Variants in C5orf24 observed in about 807,000 individuals in gnomAD.
C5orf24 encodes the protein chromosome 5 open reading frame 24.
C5orf24 carries 4 observed loss-of-function variants against 9.8 expected under a neutral mutation model. That is an observed-to-expected ratio of 0.41 (90% confidence interval 0.20 to 0.93). C5orf24 has a LOEUF of 0.93. Ranked by LOEUF, C5orf24 falls within the 40% of genes least tolerant of loss-of-function variation. The pLI is 0.33. For missense variants in C5orf24, 170 were observed against 236.9 expected (o/e 0.72, Z 1.85); for synonymous variants, 73 against 81.3 (o/e 0.90, Z 0.55).
intron 1 of C5orf24, among the ~76,000 whole-genome samples, chr5:134,847,284 T>C (rs1697196279): frequency 6.6e-6 from 1 of 152,122 alleles, no homozygotes; most frequent in South Asian, 2.1e-4. Flanking sequence ...GAACTATTTA[T>C]TGGTTGTTTT....
At chr5:134,836,981 C>CA in the C5orf24 span, among the ~76,000 whole-genome samples, 1 of 150,636 alleles carries the variant, frequency 6.6e-6, no homozygotes, top group African/African-American at 2.4e-5. Context: ...TCTGTTTTTT[C>CA]TTTTTTTTTG....
At chr5:134,844,091 C>A (rs774328484), upstream of C5orf24, among the ~76,000 whole-genome samples, 8 of 152,196 alleles carry the variant, frequency 5.3e-5, no homozygotes, top group African/African-American at 1.9e-4. Flanking sequence ...ATGAAAATTT[C>A]TTTTTCTTAA....
chr5:134,850,347 A>G (rs530059340), intron 1 of C5orf24, among the ~76,000 whole-genome samples: 37 of 149,424 alleles, frequency 2.5e-4, no homozygotes, highest in Non-Finnish European at 4.6e-4. Flanking sequence ...GGGTTTCTCC[A>G]TGTTGGTCAG....
chr5:134,835,090 C>A, the C5orf24 span, among the ~76,000 whole-genome samples: 1 of 151,800 alleles, frequency 6.6e-6, no homozygotes, highest in Non-Finnish European at 1.5e-5. Flanking sequence ...CCTGTAATCC[C>A]AGCTACTCAG....
rs958082567 is a variant in C5orf24 at position 134,846,057 on chromosome 5, G to A, written c.-159G>A. The A allele has an allele frequency of 1.3e-5, 2 of 152,362 alleles. No individual in the cohort carries two copies. Among genetic ancestry groups the A allele is most frequent in the South Asian group, 2.1e-4 (1 of 4,836 alleles). 9.4% of individuals were successfully genotyped at this position (152,362 alleles called of 1,614,324 possible). ...CGGCGGGTGCTGGGAGCCAGCGCCTGCCTCGCCGCCGCCCTCGCTGCCTGC... is the reference window on the plus strand; with the variant it reads ...CGGCGGGTGCTGGGAGCCAGCGCCTACCTCGCCGCCGCCCTCGCTGCCTGC... On this transcript the variant is annotated 5_prime_UTR_variant, in exon 1 of 2. Coordinates refer to ENST00000394976, the MANE Select transcript of C5orf24 (RefSeq NM_001135586.1).
In C5orf24 at chr5:134,855,561, T is replaced by A; in HGVS notation, c.*94T>A. ...TTTTGATATACATAATTTTATGGCC[T>A]GGGCTTTCCAAATTTGTTTTCCTGT... On this transcript the variant is annotated 3_prime_UTR_variant, in exon 2 of 2. Transcript: ENST00000394976. The A allele has an allele frequency of 6.6e-7, 1 of 1,522,998 alleles. No individual in the cohort carries two copies. Among genetic ancestry groups the A allele is most frequent in the Non-Finnish European group, 8.8e-7 (1 of 1,140,908 alleles). 94.3% of individuals were successfully genotyped at this position (1,522,998 alleles called of 1,614,324 possible).
intron 1 of C5orf24, among the ~76,000 whole-genome samples, chr5:134,854,017 T>C (rs1006670621): frequency 6.6e-6 from 1 of 152,144 alleles, no homozygotes; most frequent in African/African-American, 2.4e-5. Flanking sequence ...GAGGCGGAAG[T>C]TGCAGTGAGC....
At chr5:134,835,567 A>T in the C5orf24 span, among the ~76,000 whole-genome samples, 4 of 152,182 alleles carry the variant, frequency 2.6e-5, no homozygotes, top group Non-Finnish European at 5.9e-5. Flanking sequence ...GAATTGCATG[A>T]ATCCAGGAGG....
Position 134,859,367 on chromosome 5 carries a change from T to C in C5orf24, c.*3900T>C, listed in dbSNP as rs1270569209. The C allele has an allele frequency of 2.4e-5, 4 of 167,036 alleles. No homozygotes were observed. The highest frequency in any genetic ancestry group is 5.9e-5 in the Non-Finnish European group (4 of 68,092). 10.3% of individuals were successfully genotyped at this position (167,036 alleles called of 1,614,324 possible). ...TAGGATGTATCTGAATCTTTCCTTT[T>C]TTCCCCCCTCCTCCAAATATATAAA... On this transcript the variant is annotated 3_prime_UTR_variant, in exon 2 of 2. Transcript: ENST00000394976.
Position 134,857,010 on chromosome 5 carries a change from TAGAA to T in C5orf24, c.*1546_*1549del, listed in dbSNP as rs1338965206. 3.9e-6 allele frequency: 4 copies of T among 1,016,964 alleles called. No individual in the cohort carries two copies. Among genetic ancestry groups the T allele is most frequent in the Non-Finnish European group, 4.8e-6 (4 of 841,554 alleles). The allele number at this position is 1,016,964 out of a possible 1,614,324, so 63.0% of individuals were successfully genotyped here. On this transcript the variant is annotated 3_prime_UTR_variant, in exon 2 of 2. Coordinates refer to ENST00000394976, the MANE Select transcript of C5orf24 (RefSeq NM_001135586.1). Reference sequence around the variant, plus strand: ...AATGATGTTTGCTTTAGAAGCAAGATAGAAAGGAAAAAAAGTATTAGGTAGATAT... The same window carrying T: ...AATGATGTTTGCTTTAGAAGCAAGATAGGAAAAAAAGTATTAGGTAGATAT...
At chr5:134,852,878 A>G (rs1756195396) in intron 1 of C5orf24, among the ~76,000 whole-genome samples, 1 of 152,160 alleles carries the variant, frequency 6.6e-6, no homozygotes, top group South Asian at 2.1e-4. Context: ...TTCTATTAAA[A>G]ATACAGTCCG....
intron 1 of C5orf24, among the ~76,000 whole-genome samples, chr5:134,851,145 C>G (rs1223667719): frequency 6.6e-6 from 1 of 151,690 alleles, no homozygotes; most frequent in Admixed American, 6.6e-5. Context: ...CCAAGCTGGT[C>G]TTGAACTCCT....
intron 1 of C5orf24, among the ~76,000 whole-genome samples, chr5:134,848,034 C>T (rs1355886727): frequency 1.3e-5 from 2 of 151,722 alleles, no homozygotes; most frequent in Admixed American, 6.6e-5. Flanking sequence ...GGCTTGGGAC[C>T]GGTCGCGGTG....
At chr5:134,840,485 C>T in the C5orf24 span, among the ~76,000 whole-genome samples, 1 of 151,952 alleles carries the variant, frequency 6.6e-6, no homozygotes, top group South Asian at 2.1e-4. Flanking sequence ...AGTGGTCCTC[C>T]CTCCTTAGCC....
At chr5:134,848,506 A>AG (rs1756059224) in intron 1 of C5orf24, among the ~76,000 whole-genome samples, 1 of 150,862 alleles carries the variant, frequency 6.6e-6, no homozygotes, top group Non-Finnish European at 1.5e-5. Flanking sequence ...AAAAAAAAAA[A>AG]AAGTATAAAA....
In C5orf24 at chr5:134,855,974, AT is replaced by A; in HGVS notation, c.*510del. On this transcript the variant is annotated 3_prime_UTR_variant, in exon 2 of 2. Transcript: ENST00000394976. ...GGGACACATATTTGTATGCTTTGGCATTTACATCCACTTCAAATGTTAAAAA... is the reference window on the plus strand; with the variant it reads ...GGGACACATATTTGTATGCTTTGGCATTACATCCACTTCAAATGTTAAAAA... 1.0e-6 allele frequency: 1 copy of A among 1,002,604 alleles called. No homozygotes were observed. The highest frequency in any genetic ancestry group is 1.2e-6 in the Non-Finnish European group (1 of 831,738). 62.1% of individuals were successfully genotyped at this position (1,002,604 alleles called of 1,614,324 possible). A position where few individuals can be genotyped will look rare whatever the true frequency, so the allele number is the denominator to read the frequency against.
intron 1 of C5orf24, among the ~76,000 whole-genome samples, chr5:134,853,636 C>G (rs1756228195): frequency 6.6e-6 from 1 of 151,158 alleles, no homozygotes; most frequent in African/African-American, 2.4e-5. Context: ...CTCAGCCTCC[C>G]TTATAGCTGA....
At chr5:134,854,779 C>T (rs939085787) in intron 1 of C5orf24, 119 bp from the exon 2 acceptor site, 1 of 1,083,860 alleles carries the variant, frequency 9.2e-7, no homozygotes, top group African/African-American at 1.6e-5. Context: ...TGCCTGTTAG[C>T]CTAATTTTAT....
intron 1 of C5orf24, among the ~76,000 whole-genome samples, chr5:134,853,528 CTTTTTTTTTTTT>C (rs773207000): frequency 2.9e-5 from 3 of 104,246 alleles, no homozygotes; most frequent in South Asian, 3.4e-4. Flanking sequence ...TCTTCTTCTT[CTTTTTTTTTTTT>C]TTTTTTTTTT....
Sources: allele counts gnomAD v4.1 joint callset (sites outside exome capture counted in the v4.1 genomes callset), GRCh38; gene constraint gnomAD v4.1.1; transcripts MANE v1.5; gene names NCBI Gene and HGNC (gene_info 2026-07-23, HGNC 2026-07-21).